SAMD5: variants seen among roughly 807,000 people sequenced by gnomAD.
SAMD5 encodes sterile alpha motif domain-containing protein 5.
Under a neutral mutation model 11.3 loss-of-function variants are expected in SAMD5, and 13 were observed. The observed-to-expected ratio is 1.15, with a 90% confidence interval of 0.75 to 1.83. The LOEUF (loss-of-function observed/expected upper bound fraction) is 1.83. SAMD5 is among the 40% of genes most tolerant of loss of function. The pLI is 0.00. For synonymous variants in SAMD5, 129 were observed against 111.3 expected (o/e 1.16, Z -1.00); for missense variants, 255 against 239.1 (o/e 1.07, Z -0.44).
At chr6:147,832,173 A>C in the SAMD5 span, among the ~76,000 whole-genome samples, 1 of 152,202 alleles carries the variant, frequency 6.6e-6, no homozygotes, top group Non-Finnish European at 1.5e-5. Context: ...CTTATTAAAA[A>C]ATTAGGTATA....
rs1356439802 is a variant in SAMD5, at chr6:147,533,477, AAAAG to A, written c.459+24102_459+24105del. Among the ~76,000 whole-genome samples the A allele has an allele frequency of 1.4e-4, 21 of 150,666 alleles. No individual in the cohort carries two copies. The South Asian group carries it at 3.1e-3, about 22-fold the overall frequency. ...AATTCCATCTCAAAAAAAAAAAAAA[AAAAG>A]AAAGAAAGAAAAGAAACCAAGAAGC... On this transcript the variant is annotated intron_variant, in intron 1 of 1. Transcript: ENST00000367474.
intron 1 of SAMD5, chr6:147,730,202 C>T (rs1459683865): frequency 7.6e-6 from 3 of 393,414 alleles, no homozygotes; most frequent in Admixed American, 3.6e-5. Flanking sequence ...TTGGCTTTCA[C>T]TCTTGTTGAA....
the SAMD5 span, among the ~76,000 whole-genome samples, chr6:147,918,258 C>T: frequency 1.3e-5 from 2 of 152,102 alleles, no homozygotes. Flanking sequence ...GTTTGTAGTT[C>T]TGCTTGAAGA....
chr6:147,662,920 T>G (rs1323768837), intron 1 of SAMD5, among the ~76,000 whole-genome samples: 1 of 152,226 alleles, frequency 6.6e-6, no homozygotes, highest in Non-Finnish European at 1.5e-5. Context: ...TAGACAAATG[T>G]AGTTATTTTG....
At chr6:147,794,819 A>T in the SAMD5 span, among the ~76,000 whole-genome samples, 2 of 151,902 alleles carry the variant, frequency 1.3e-5, no homozygotes, top group East Asian at 1.9e-4. Flanking sequence ...TTAACAGGTC[A>T]TTATAGGACT....
At chr6:147,753,462 A>G in the SAMD5 span, among the ~76,000 whole-genome samples, 4 of 152,294 alleles carry the variant, frequency 2.6e-5, no homozygotes, top group East Asian at 1.9e-4. Flanking sequence ...TATGGGGTAC[A>G]TGCGATGTTT....
exon 2 of SAMD5, chr6:147,737,376 T>C: frequency 8.0e-7 from 1 of 1,247,786 alleles, no homozygotes; most frequent in Non-Finnish European, 1.0e-6. Flanking sequence ...GAGCTGTGAA[T>C]TTAATCATCT....
At chr6:147,535,571 T>G (rs1425669473) in intron 1 of SAMD5, among the ~76,000 whole-genome samples, 1 of 152,248 alleles carries the variant, frequency 6.6e-6, no homozygotes, top group African/African-American at 2.4e-5. Context: ...AGAACTGATT[T>G]GTTTACAAAA....
intron 1 of SAMD5, among the ~76,000 whole-genome samples, chr6:147,729,323 A>C (rs182054058): frequency 4.5e-4 from 69 of 152,330 alleles, no homozygotes; most frequent in South Asian, 8.3e-4. Context: ...TCAGCCCGTA[A>C]CAAAAGCCAG....
the SAMD5 span, among the ~76,000 whole-genome samples, chr6:147,858,782 A>G: frequency 6.6e-6 from 1 of 152,202 alleles, no homozygotes; most frequent in East Asian, 1.9e-4. Context: ...CTCATGCTTA[A>G]CAAGGAAAGC....
chr6:147,903,510 G>A, the SAMD5 span, among the ~76,000 whole-genome samples: 1 of 152,170 alleles, frequency 6.6e-6, no homozygotes, highest in Non-Finnish European at 1.5e-5. Flanking sequence ...ATTTCAAGAT[G>A]GTGGACTGAC....
chr6:147,588,059 G>T (rs1789400702), intron 1 of SAMD5, among the ~76,000 whole-genome samples: 1 of 152,052 alleles, frequency 6.6e-6, no homozygotes, highest in African/African-American at 2.4e-5. Context: ...TGCTCCTAGG[G>T]TTTATAAATG....
the SAMD5 span, among the ~76,000 whole-genome samples, chr6:147,903,691 C>CA: frequency 2.6e-5 from 4 of 152,056 alleles, no homozygotes; most frequent in South Asian, 6.2e-4. Context: ...GGGTGGATCA[C>CA]AAGGTCAGGA....
chr6:147,763,894 A>G, the SAMD5 span, among the ~76,000 whole-genome samples: 6 of 152,224 alleles, frequency 3.9e-5, no homozygotes, highest in Non-Finnish European at 8.8e-5. Context: ...AAAGTATTAT[A>G]TTAAAATATT....
chr6:147,856,074 C>T, the SAMD5 span, among the ~76,000 whole-genome samples: 13 of 152,046 alleles, frequency 8.6e-5, no homozygotes, highest in Admixed American at 2.0e-4. Flanking sequence ...TATAGCGATA[C>T]AATGGAATAC....
chr6:147,604,625 A>G (rs567556445), intron 1 of SAMD5, among the ~76,000 whole-genome samples: 36 of 152,318 alleles, frequency 2.4e-4, no homozygotes, highest in African/African-American at 8.7e-4. Context: ...TGGAGTGCCA[A>G]GGAGCTTTTG....
the SAMD5 span, among the ~76,000 whole-genome samples, chr6:147,844,629 A>G: frequency 6.6e-6 from 1 of 151,816 alleles, no homozygotes; most frequent in African/African-American, 2.4e-5. Context: ...AAAATGTAGT[A>G]TGTAAACACA....
the SAMD5 span, among the ~76,000 whole-genome samples, chr6:147,823,417 C>G: frequency 6.6e-6 from 1 of 150,946 alleles, no homozygotes; most frequent in South Asian, 2.1e-4. Flanking sequence ...AGTAATACTG[C>G]ATTTTAACTC....
At chr6:147,653,728 T>G (rs1395069321) in intron 1 of SAMD5, among the ~76,000 whole-genome samples, 5 of 152,260 alleles carry the variant, frequency 3.3e-5, no homozygotes, top group Non-Finnish European at 5.9e-5. Flanking sequence ...TGATATTCCA[T>G]GCACTTCTTG....
Sources: gnomAD v4.1 joint callset for allele counts (sites outside exome capture counted in the v4.1 genomes callset) on GRCh38, gnomAD v4.1.1 for gene constraint, MANE v1.5 for transcripts, NCBI Gene and HGNC (gene_info 2026-07-23, HGNC 2026-07-21) for gene names.